Variants in PTPRM observed in about 807,000 individuals in gnomAD.
The protein encoded by PTPRM is protein tyrosine phosphatase receptor type M, also known as receptor-type tyrosine-protein phosphatase mu.
A neutral mutation model predicts 186.7 loss-of-function variants in PTPRM; 47 were observed. The observed-to-expected ratio is 0.25, with a 90% CI of 0.20 to 0.32. The LOEUF (loss-of-function observed/expected upper bound fraction) is 0.32, where lower values mean the gene tolerates loss of function less well. PTPRM is among the 10% of genes least tolerant of loss of function. PTPRM has a pLI of 1.00. For synonymous variants in PTPRM, 668 were observed against 674.9 expected (o/e 0.99, Z 0.16); for missense variants, 1,494 against 1,865.0 (o/e 0.80, Z 3.66).
rs746780449 is a variant in PTPRM at position 8,031,449 on chromosome 18, C to T, written c.1133-38237C>T. Among the ~76,000 whole-genome samples, 72 of 152,248 alleles carry T rather than the reference C, an allele frequency of 4.7e-4. 1 individual carries two copies. In the Middle Eastern group the frequency reaches 0.01, roughly 22 times the overall value. On this transcript the variant is annotated intron_variant, in intron 7 of 32. Transcript: ENST00000580170. ...CTGTCAACAAACACGGCAATAATTC[C>T]GTCAGATGCAGTATGTGTGGAATTA...
chr18:7,681,448 T>C (rs1003796177), intron 1 of PTPRM, among the ~76,000 whole-genome samples: 1 of 152,154 alleles, frequency 6.6e-6, no homozygotes, highest in Non-Finnish European at 1.5e-5. Flanking sequence ...TGGAGCCTGA[T>C]TAATGTCGGG....
rs765931740 is a variant in PTPRM at position 8,376,471 on chromosome 18, A to C, written c.3336A>C (p.Ala1112=). The change falls in exon 26 of 33, where the codon GCA becomes GCC. Residue 1112 remains alanine (A), a synonymous_variant. Coordinates refer to ENST00000580170, the MANE Select transcript of PTPRM (RefSeq NM_001105244.2). ...GPLVVHCSAG[A]GRTGCFIVID... Reference sequence around the variant, plus strand: ...CCCCCTTTTCATTCAGTGCTGGTGCAGGGAGGACTGGCTGTTTCATCGTCA... The same window carrying C: ...CCCCCTTTTCATTCAGTGCTGGTGCCGGGAGGACTGGCTGTTTCATCGTCA... 2 of 1,614,124 alleles carry C rather than the reference A, an allele frequency of 1.2e-6. No homozygotes were observed. The highest frequency in any genetic ancestry group is 1.1e-5 in the South Asian group (1 of 91,072).
chr18:8,294,464 A>T (rs2095073894), intron 19 of PTPRM, among the ~76,000 whole-genome samples: 2 of 151,960 alleles, frequency 1.3e-5, no homozygotes, highest in South Asian at 4.2e-4. Context: ...ATCAAATCTC[A>T]TGAGAACTCA....
intron 1 of PTPRM, among the ~76,000 whole-genome samples, chr18:7,660,457 T>G (rs970653129): frequency 6.6e-6 from 1 of 152,168 alleles, no homozygotes; most frequent in African/African-American, 2.4e-5. Context: ...AAAATTTTCT[T>G]TTGGGGAACC....
intron 1 of PTPRM, among the ~76,000 whole-genome samples, chr18:7,718,813 C>T (rs1378749028): frequency 1.3e-5 from 2 of 152,110 alleles, no homozygotes; most frequent in Non-Finnish European, 2.9e-5. Context: ...AAAAAATGCT[C>T]AACCTCACTA....
intron 7 of PTPRM, among the ~76,000 whole-genome samples, chr18:8,041,746 G>T (rs956893620): frequency 6.6e-6 from 1 of 152,134 alleles, no homozygotes; most frequent in Non-Finnish European, 1.5e-5. Flanking sequence ...GGTGCAGTGG[G>T]GCAAACTGTC....
intron 2 of PTPRM, among the ~76,000 whole-genome samples, chr18:7,874,365 A>G (rs1040315764): frequency 3.9e-5 from 6 of 152,230 alleles, no homozygotes; most frequent in African/African-American, 1.2e-4. Flanking sequence ...TATGTAAACA[A>G]AACAGTTTGC....
At chr18:8,187,415 G>A (rs1048948932) in intron 14 of PTPRM, among the ~76,000 whole-genome samples, 1 of 152,202 alleles carries the variant, frequency 6.6e-6, no homozygotes, top group East Asian at 1.9e-4. Flanking sequence ...AGCGGGCAAA[G>A]CCTGGTGGGC....
At chr18:7,741,741 G>A (rs117836892) in intron 1 of PTPRM, 1 of 152,158 alleles carries the variant, frequency 6.6e-6, no homozygotes, top group Non-Finnish European at 1.5e-5. Flanking sequence ...TCATATTTCA[G>A]GGTGTTCTGT....
At chr18:7,809,077 A>G (rs2145452888) in intron 2 of PTPRM, among the ~76,000 whole-genome samples, 1 of 152,224 alleles carries the variant, frequency 6.6e-6, no homozygotes, top group East Asian at 1.9e-4. Flanking sequence ...ACAGTTAAGG[A>G]CCCTGAGACT....
chr18:8,103,872 G>A (rs1402976163), intron 11 of PTPRM, among the ~76,000 whole-genome samples: 1 of 152,166 alleles, frequency 6.6e-6, no homozygotes, highest in Admixed American at 6.5e-5. Context: ...TTTAAGGTGA[G>A]AGGCTTGCAA....
At chr18:8,013,968 A>G (rs1286949172) in intron 7 of PTPRM, among the ~76,000 whole-genome samples, 1 of 152,202 alleles carries the variant, frequency 6.6e-6, no homozygotes, top group Non-Finnish European at 1.5e-5. Context: ...ATATCTAAAC[A>G]TATCATCCCG....
intron 19 of PTPRM, among the ~76,000 whole-genome samples, chr18:8,292,398 G>A (rs562986871): frequency 3.6e-4 from 55 of 152,102 alleles, no homozygotes; most frequent in Admixed American, 1.4e-3. Context: ...GCTCCCATAG[G>A]TTTATTACTT....
intron 23 of PTPRM, among the ~76,000 whole-genome samples, chr18:8,345,461 A>C (rs1280299952): frequency 6.6e-6 from 1 of 152,078 alleles, no homozygotes; most frequent in African/African-American, 2.4e-5. Flanking sequence ...TTGATGAATT[A>C]GGTAATTTTC....
At chr18:7,764,297 A>G (rs2041919423) in intron 1 of PTPRM, among the ~76,000 whole-genome samples, 1 of 152,212 alleles carries the variant, frequency 6.6e-6, no homozygotes, top group Admixed American at 6.5e-5. Flanking sequence ...ATAATACTTA[A>G]AAAGGTCAGT....
intron 2 of PTPRM, among the ~76,000 whole-genome samples, chr18:7,793,510 C>G (rs1347356663): frequency 6.6e-6 from 1 of 152,170 alleles, no homozygotes; most frequent in African/African-American, 2.4e-5. Context: ...TACCTTCCTT[C>G]TAAATGACAA....
intron 1 of PTPRM, among the ~76,000 whole-genome samples, chr18:7,759,105 A>T (rs1442614021): frequency 2.0e-5 from 3 of 152,170 alleles, no homozygotes; most frequent in Non-Finnish European, 4.4e-5. Flanking sequence ...CCTTACAGAA[A>T]TTGAGCTGGT....
intron 5 of PTPRM, among the ~76,000 whole-genome samples, chr18:7,931,546 C>T (rs2051485260): frequency 6.6e-6 from 1 of 152,136 alleles, no homozygotes; most frequent in Non-Finnish European, 1.5e-5. Flanking sequence ...ACTGAAAATA[C>T]AAAATTTAGC....
At chr18:7,954,994 A>C in intron 6 of PTPRM, 127 bp from the exon 7 acceptor site, 2 of 1,047,322 alleles carry the variant, frequency 1.9e-6, no homozygotes, top group Non-Finnish European at 1.3e-6. Flanking sequence ...AACCCAAACA[A>C]AATTTTTCTC....
Sources: gnomAD v4.1 joint callset for allele counts (sites outside exome capture counted in the v4.1 genomes callset) on GRCh38, gnomAD v4.1.1 for gene constraint, MANE v1.5 for transcripts, NCBI Gene and HGNC (gene_info 2026-07-23, HGNC 2026-07-21) for gene names.